Variants in SLC25A38 observed in about 807,000 individuals in gnomAD.
SLC25A38 encodes mitochondrial glycine transporter.
SLC25A38 carries 27 observed loss-of-function variants against 33.4 expected under a neutral mutation model. The observed-to-expected ratio is 0.81, with a 90% confidence interval of 0.60 to 1.11. SLC25A38 has a LOEUF of 1.11. SLC25A38 is among the 50% of genes most tolerant of loss of function. The pLI is 0.00. For missense variants in SLC25A38, 344 were observed against 388.8 expected (o/e 0.88, Z 0.97); for synonymous variants, 123 against 145.9 (o/e 0.84, Z 1.13).
chr3:39,392,262 T>C lies in SLC25A38; in HGVS notation c.625+241T>C, dbSNP rs13081742. On this transcript the variant is annotated intron_variant, in intron 5 of 6. Transcript: ENST00000650617. ...CCACTATAATTTGGCGGGGTGAGGA[T>C]AGGGTGGGTGGGAGGGAAATAAAGC... 0.46 allele frequency among the ~76,000 whole-genome samples: 37,496 copies of C among 82,198 alleles called. 5,488 individuals carry two copies. Among genetic ancestry groups the C allele is most frequent in the Admixed American group, 0.5 (3,801 of 7,542 alleles). The allele number at this position is 82,198 out of a possible 152,430, so 53.9% of individuals were successfully genotyped here.
At chr3:39,394,772 T>C (rs1352471141) in intron 6 of SLC25A38, among the ~76,000 whole-genome samples, 196 bp downstream of exon 6, 2 of 152,168 alleles carry the variant, frequency 1.3e-5, no homozygotes, top group African/African-American at 2.4e-5. Context: ...GATTTTAATA[T>C]GTTTTAAGGT....
Position 39,390,458 on chromosome 3 carries a change from A to C in SLC25A38, c.227A>C (p.Lys76Thr). ...GTTGGGATGTTGGCTGTACTCTTGA[A>C]GGTGGTTCGCACGGAGAGTCTTTTG... ...RRVGMLAVLL[K>T]VVRTESLLGL... Residue 76 changes from lysine to threonine, a missense_variant, in exon 3 of 7, where the codon AAG (lysine) becomes ACG (threonine). Transcript: ENST00000650617. 1.2e-6 allele frequency: 2 copies of C among 1,614,140 alleles called. No individual in the cohort carries two copies. The highest frequency in any genetic ancestry group is 1.7e-6 in the Non-Finnish European group (2 of 1,180,032).
chr3:39,384,545 G>C (rs2041688516), intron 1 of SLC25A38: 1 of 396,422 alleles, frequency 2.5e-6, no homozygotes, highest in Non-Finnish European at 4.4e-6. Context: ...GGAGACGGCG[G>C]CGGTGGCGAC....
At chr3:39,385,413 C>G (rs9809888) in intron 1 of SLC25A38, among the ~76,000 whole-genome samples, 36,405 of 152,062 alleles carry the variant, frequency 0.24, 5,499 homozygotes, top group African/African-American at 0.43. Context: ...GTGGGAAGGT[C>G]AAGGACAGCA....
At chr3:39,392,287 C>G (rs537328983) in intron 5 of SLC25A38, among the ~76,000 whole-genome samples, 1 of 151,966 alleles carries the variant, frequency 6.6e-6, no homozygotes, top group African/African-American at 2.4e-5. Context: ...GGAAATAAAG[C>G]ATGCTTTGCA....
chr3:39,390,294 G>A (rs1164434604), intron 2 of SLC25A38, 129 bp from the exon 3 acceptor site: 3 of 906,502 alleles, frequency 3.3e-6, no homozygotes. Flanking sequence ...TATCTCCAAG[G>A]TGCATTGTAG....
At chr3:39,383,852 A>C in intron 1 of SLC25A38, 59 bp downstream of exon 1, 1 of 1,591,632 alleles carries the variant, frequency 6.3e-7, no homozygotes, top group Non-Finnish European at 8.6e-7. Flanking sequence ...GGGCCGGAGA[A>C]TTCGGGGCGT....
At chr3:39,384,847 C>T in intron 1 of SLC25A38, 1 of 386,726 alleles carries the variant, frequency 2.6e-6, no homozygotes. Context: ...GTCGCCCGCG[C>T]TGGAGTGCAG....
chr3:39,392,082 T>C, intron 5 of SLC25A38, 61 bp downstream of exon 5: 1 of 1,597,450 alleles, frequency 6.3e-7, no homozygotes. Context: ...CTCACCATTT[T>C]CTCTGGGATA....
intron 6 of SLC25A38, among the ~76,000 whole-genome samples, chr3:39,395,537 TTATCTC>T (rs2041818288): frequency 6.6e-6 from 1 of 152,216 alleles, no homozygotes; most frequent in South Asian, 2.1e-4. Context: ...ATTTGTGTTC[TTATCTC>T]TATATCTAAA....
chr3:39,396,069 G>A (rs2041825802), intron 6 of SLC25A38, among the ~76,000 whole-genome samples: 1 of 152,024 alleles, frequency 6.6e-6, no homozygotes, highest in Non-Finnish European at 1.5e-5. Flanking sequence ...AATTAGCCGG[G>A]CGTGGTGGTG....
At position 39,391,957 on chromosome 3, in the gene SLC25A38, A is replaced by C; in HGVS notation, c.561A>C (p.Arg187=). The change falls in exon 5 of 7, where the codon CGA becomes CGC. Residue 187 remains arginine, a synonymous_variant. Coordinates refer to ENST00000650617, the MANE Select transcript of SLC25A38 (RefSeq NM_017875.4). ...GTGGCCTGACAGCAACTCTCCTTCG[A>C]GATGCGCCCTTCTCAGGAATCTACC... The part of the protein sequence containing the change: ...LFSGLTATLL[R]DAPFSGIYLM... 1 of 1,614,210 alleles carries C rather than the reference A, an allele frequency of 6.2e-7. No homozygotes were observed. Among genetic ancestry groups the C allele is most frequent in the Non-Finnish European group, 8.5e-7 (1 of 1,180,026 alleles).
intron 6 of SLC25A38, 101 bp from the exon 7 acceptor site, chr3:39,396,297 C>A: frequency 6.4e-7 from 1 of 1,563,282 alleles, no homozygotes; most frequent in South Asian, 1.1e-5. Flanking sequence ...GAAACTAAGT[C>A]TTAAACATGG....
rs2041670923 is a variant in SLC25A38, at chr3:39,383,555, C to A, written c.-170C>A. 1 of 687,682 alleles carries A rather than the reference C, an allele frequency of 1.5e-6. No individual in the cohort carries two copies. The highest frequency in any genetic ancestry group is 1.8e-5 in the South Asian group (1 of 56,568). 42.6% of individuals were successfully genotyped at this position (687,682 alleles called of 1,614,324 possible). ...CCCGCAGCCCCTGGACTAGCAGGAT[C>A]CGAACCCCGGCGGCTGCGTGCTTAT... On this transcript the variant is annotated 5_prime_UTR_variant, in exon 1 of 7. Coordinates refer to ENST00000650617, the MANE Select transcript of SLC25A38 (RefSeq NM_017875.4).
intron 6 of SLC25A38, 104 bp downstream of exon 6, chr3:39,394,680 T>C: frequency 7.2e-7 from 1 of 1,382,120 alleles, no homozygotes; most frequent in South Asian, 1.2e-5. Context: ...AGAGAGCTTT[T>C]AAAAATCCCC....
At chr3:39,386,510 G>A (rs1434462074) in intron 1 of SLC25A38, among the ~76,000 whole-genome samples, 1 of 152,210 alleles carries the variant, frequency 6.6e-6, no homozygotes, top group Non-Finnish European at 1.5e-5. Context: ...AGAGGTCATG[G>A]TTGGCAGTGA....
intron 1 of SLC25A38, among the ~76,000 whole-genome samples, chr3:39,385,340 A>G (rs2041698190): frequency 6.6e-6 from 1 of 152,226 alleles, no homozygotes; most frequent in Non-Finnish European, 1.5e-5. Flanking sequence ...TTGAGCCAAT[A>G]ACATGTCTAA....
chr3:39,389,345 C>A lies in SLC25A38; in HGVS notation c.70-150C>A. ...GCAGTATTTTTAATTTCTGGCTATA[C>A]TTTTTCCTTCTCCGAGGTATGAAGA... is the stretch of plus-strand genomic sequence containing the variant. On this transcript the variant is annotated intron_variant, in intron 1 of 6. Coordinates refer to ENST00000650617, the MANE Select transcript of SLC25A38 (RefSeq NM_017875.4). The surrounding 1 kb of genome is among the most constrained non-coding windows in gnomAD (Gnocchi z 4.5). The A allele has an allele frequency of 8.2e-7, 1 of 1,218,354 alleles. No individual in the cohort carries two copies. The highest frequency in any genetic ancestry group is 1.2e-6 in the Non-Finnish European group (1 of 840,676). 75.5% of individuals were successfully genotyped at this position (1,218,354 alleles called of 1,614,324 possible).
intron 2 of SLC25A38, 28 bp from the exon 3 acceptor site, chr3:39,390,395 T>C: frequency 6.2e-7 from 1 of 1,613,406 alleles, no homozygotes; most frequent in Non-Finnish European, 8.5e-7. Context: ...GATTTTTTCC[T>C]TCCTGTCTCC....
Sources: gnomAD v4.1 joint callset for allele counts (sites outside exome capture counted in the v4.1 genomes callset) on GRCh38, gnomAD v4.1.1 for gene constraint, Gnocchi (gnomAD v3.1) non-coding constraint, MANE v1.5 for transcripts, NCBI Gene and HGNC (gene_info 2026-07-23, HGNC 2026-07-21) for gene names.